FAM171A1: variants seen among roughly 807,000 people sequenced by gnomAD.
The protein encoded by FAM171A1 is family with sequence similarity 171 member A1.
FAM171A1 carries 23 observed loss-of-function variants against 74.9 expected under a neutral mutation model. The observed-to-expected ratio is 0.31, with a 90% CI of 0.22 to 0.44. The LOEUF (loss-of-function observed/expected upper bound fraction) is 0.44. Ranked by LOEUF, FAM171A1 falls within the 20% of genes least tolerant of loss-of-function variation. The pLI is 1.00. For missense variants in FAM171A1, 1,162 were observed against 1,159.2 expected, an observed-to-expected ratio of 1.00 and a Z score of -0.03; for synonymous variants, 527 against 505.7, an observed-to-expected ratio of 1.04 and a Z score of -0.57.
intron 1 of FAM171A1, among the ~76,000 whole-genome samples, chr10:15,366,664 AC>A (rs1836065877): frequency 4.6e-5 from 7 of 151,284 alleles, no homozygotes; most frequent in African/African-American, 1.7e-4. Context: ...CACAGGACAA[AC>A]TCCTCTCTCT....
intron 5 of FAM171A1, among the ~76,000 whole-genome samples, chr10:15,234,067 T>C (rs540116762): frequency 6.6e-6 from 1 of 152,244 alleles, no homozygotes; most frequent in East Asian, 1.9e-4. Context: ...CATTAGTAAT[T>C]TGCCCAAGGA....
chr10:15,369,375 A>C (rs1836106360), intron 1 of FAM171A1, among the ~76,000 whole-genome samples: 1 of 152,132 alleles, frequency 6.6e-6, no homozygotes, highest in African/African-American at 2.4e-5. Flanking sequence ...CATTCTCTAA[A>C]ATAGCTGATT....
chr10:15,360,145 G>T (rs1835977021), intron 1 of FAM171A1, among the ~76,000 whole-genome samples: 1 of 152,092 alleles, frequency 6.6e-6, no homozygotes, highest in South Asian at 2.1e-4. Flanking sequence ...GTTGCACAGG[G>T]TAGTCTTAAA....
chr10:15,324,071 T>C (rs74123193), intron 1 of FAM171A1, among the ~76,000 whole-genome samples: 2,951 of 152,254 alleles, frequency 0.019, 99 homozygotes, highest in African/African-American at 0.067. Context: ...AATTCATAAA[T>C]AGTTGGCAAG....
At chr10:15,333,773 T>C (rs1371034518) in intron 1 of FAM171A1, among the ~76,000 whole-genome samples, 2 of 150,106 alleles carry the variant, frequency 1.3e-5, no homozygotes, top group Non-Finnish European at 3.0e-5. Context: ...GAGGCAGAGG[T>C]TGCAGTGTAG....
chr10:15,252,110 G>C (rs1381688052), intron 4 of FAM171A1, among the ~76,000 whole-genome samples: 1 of 152,182 alleles, frequency 6.6e-6, no homozygotes, highest in Non-Finnish European at 1.5e-5. Flanking sequence ...GGAGTTATTA[G>C]TGAAAGCAAT....
chr10:15,372,169 C>T (rs1009212971), upstream of FAM171A1, among the ~76,000 whole-genome samples: 1 of 152,090 alleles, frequency 6.6e-6, no homozygotes, highest in Non-Finnish European at 1.5e-5. Flanking sequence ...CACAACTGAG[C>T]CTAGAAGAAG....
intron 1 of FAM171A1, among the ~76,000 whole-genome samples, chr10:15,333,232 G>A (rs555020215): frequency 7.2e-5 from 11 of 152,288 alleles, no homozygotes; most frequent in East Asian, 3.9e-4. Context: ...TGTGGCTCAC[G>A]CCTGTAATCC....
intron 1 of FAM171A1, among the ~76,000 whole-genome samples, chr10:15,316,867 A>G (rs957612656): frequency 2.0e-5 from 3 of 152,174 alleles, no homozygotes; most frequent in African/African-American, 7.2e-5. Flanking sequence ...GTTTTACTTT[A>G]AAAGATTTAT....
At chr10:15,249,496 C>T (rs1304237325) in intron 4 of FAM171A1, among the ~76,000 whole-genome samples, 3 of 152,218 alleles carry the variant, frequency 2.0e-5, no homozygotes, top group Admixed American at 2.0e-4. Flanking sequence ...AAGTGGAAAT[C>T]ACCGGAAATA....
At chr10:15,358,044 T>C (rs955800416) in intron 1 of FAM171A1, among the ~76,000 whole-genome samples, 7 of 152,200 alleles carry the variant, frequency 4.6e-5, no homozygotes, top group African/African-American at 1.4e-4. Flanking sequence ...GACAGGATCA[T>C]GGCTCACTGC....
At chr10:15,266,080 G>A (rs888380539) in intron 3 of FAM171A1, among the ~76,000 whole-genome samples, 7 of 152,144 alleles carry the variant, frequency 4.6e-5, no homozygotes, top group African/African-American at 1.4e-4. Context: ...TGGGACCCAC[G>A]GACGCCGTCT....
At chr10:15,299,162 G>A (rs775694854) in intron 1 of FAM171A1, among the ~76,000 whole-genome samples, 2 of 152,108 alleles carry the variant, frequency 1.3e-5, no homozygotes, top group South Asian at 2.1e-4. Context: ...CAGGTGATCC[G>A]CCTGCTTCAG....
At chr10:15,281,641 C>T (rs766911067) in intron 2 of FAM171A1, among the ~76,000 whole-genome samples, 84 of 152,288 alleles carry the variant, frequency 5.5e-4, no homozygotes, top group Middle Eastern at 3.4e-3. Flanking sequence ...GCAAGTGGAT[C>T]ACCTGAGGTC....
At chr10:15,245,327 AAAG>A (rs1834418411) in intron 5 of FAM171A1, among the ~76,000 whole-genome samples, 1 of 152,108 alleles carries the variant, frequency 6.6e-6, no homozygotes. Flanking sequence ...TTGGCCTCCC[AAAG>A]TGCTGGTATT....
At chr10:15,215,644 G>A (rs1833957483) in intron 7 of FAM171A1, among the ~76,000 whole-genome samples, 1 of 152,188 alleles carries the variant, frequency 6.6e-6, no homozygotes, top group South Asian at 2.1e-4. Flanking sequence ...GGGATTACAG[G>A]TGTGAGCCAA....
intron 1 of FAM171A1, among the ~76,000 whole-genome samples, chr10:15,315,260 T>C (rs543436682): frequency 1.3e-5 from 2 of 152,302 alleles, no homozygotes; most frequent in South Asian, 2.1e-4. Context: ...TGCTCTGTCA[T>C]GTCCTGGCTG....
intron 3 of FAM171A1, among the ~76,000 whole-genome samples, chr10:15,256,869 C>A (rs1834587146): frequency 6.6e-6 from 1 of 152,198 alleles, no homozygotes; most frequent in Non-Finnish European, 1.5e-5. Flanking sequence ...TTTCTTCTCC[C>A]TTTCCACGCT....
chr10:15,319,835 C>T (rs773901469), intron 1 of FAM171A1, among the ~76,000 whole-genome samples: 1 of 152,194 alleles, frequency 6.6e-6, no homozygotes, highest in Non-Finnish European at 1.5e-5. Flanking sequence ...AAGGAAGGGA[C>T]AGAACCCATA....
Sources: allele counts gnomAD v4.1 joint callset (sites outside exome capture counted in the v4.1 genomes callset), GRCh38; gene constraint gnomAD v4.1.1; transcripts MANE v1.5; gene names NCBI Gene and HGNC (gene_info 2026-07-23, HGNC 2026-07-21).